The following FAM133A variants were observed in gnomAD, a reference collection of about 807,000 sequenced individuals.
The protein encoded by FAM133A is protein FAM133A.
For missense variants in FAM133A, 159 were observed against 164.4 expected, an observed-to-expected ratio of 0.97 and a Z score of 0.18; for synonymous variants, 65 against 58.6, an observed-to-expected ratio of 1.11 and a Z score of -0.50.
intron 2 of FAM133A, among the ~76,000 whole-genome samples, chrX:93,688,972 A>G (rs1339950923): frequency 9.0e-6 from 1 of 111,036 alleles, no homozygotes; most frequent in Admixed American, 9.7e-5. Context: ...GCATAAAGGG[A>G]TTATGTTGGA....
rs1927467492 is a variant in FAM133A, at chrX:93,711,939, G to A, written c.*1773G>A. On this transcript the variant is annotated 3_prime_UTR_variant, in exon 4 of 4. Coordinates refer to ENST00000683942, the MANE Select transcript of FAM133A (RefSeq NM_001171109.2). ...ATATTATTTGTAGAATATGGCAAAA[G>A]CATTTACAGCTCATCATGTATCTAT... The A allele has an allele frequency of 8.1e-6, 1 of 123,248 alleles. No individual in the cohort carries two copies. The highest frequency in any genetic ancestry group is 2.8e-4 in the East Asian group (1 of 3,578). The allele number at this position is 123,248 out of a possible 1,213,427, so 10.2% of individuals were successfully genotyped here.
At chrX:93,677,768 T>C (rs1956519044) in intron 2 of FAM133A, among the ~76,000 whole-genome samples, 1 of 112,477 alleles carries the variant, frequency 8.9e-6, no homozygotes, top group Non-Finnish European at 1.9e-5. Context: ...TTTTCCTGTT[T>C]ACTGCTGAGT....
At chrX:93,689,489 G>A (rs1007744019) in intron 2 of FAM133A, among the ~76,000 whole-genome samples, 1 of 111,964 alleles carries the variant, frequency 8.9e-6, no homozygotes, top group Non-Finnish European at 1.9e-5. Context: ...TCATGATATA[G>A]TATTTAGTCA....
chrX:93,681,510 T>G (rs1213186028), intron 2 of FAM133A, among the ~76,000 whole-genome samples: 1 of 111,856 alleles, frequency 8.9e-6, no homozygotes, highest in Non-Finnish European at 1.9e-5. Context: ...TAGTAAGTAG[T>G]ATAGACTAAT....
chrX:93,687,420 T>C (rs1048845841), intron 2 of FAM133A, among the ~76,000 whole-genome samples: 7 of 111,067 alleles, frequency 6.3e-5, no homozygotes, highest in Admixed American at 4.8e-4. Flanking sequence ...CACTAAAATC[T>C]CAGAAATCAC....
chrX:93,684,375 G>A (rs932992228), intron 2 of FAM133A, among the ~76,000 whole-genome samples: 1 of 111,412 alleles, frequency 9.0e-6, no homozygotes, highest in African/African-American at 3.2e-5. Flanking sequence ...CTCTTTTTAT[G>A]CCAGAAGTCA....
chrX:93,705,900 G>T (rs973747371), intron 3 of FAM133A, among the ~76,000 whole-genome samples: 1 of 111,030 alleles, frequency 9.0e-6, no homozygotes, highest in Non-Finnish European at 1.9e-5. Context: ...AAACACAAAA[G>T]AATTTTAACT....
Position 93,684,420 on chromosome X carries a change from T to A in FAM133A, c.-193+9668T>A, listed in dbSNP as rs771125772. Among the ~76,000 whole-genome samples the A allele has an allele frequency of 3.6e-5, 4 of 112,028 alleles. No individual in the cohort carries two copies. In the South Asian group the frequency reaches 1.5e-3, roughly 41 times the overall value. ...ATACAAAAATCAGTTATTGAAACAT[T>A]TAGATGGTTGGGAAAATGCCAGAAA... On this transcript the variant is annotated intron_variant, in intron 2 of 3. Transcript: ENST00000683942.
intron 3 of FAM133A, among the ~76,000 whole-genome samples, chrX:93,705,713 T>C (rs1442626208): frequency 9.0e-6 from 1 of 111,341 alleles, no homozygotes; most frequent in Non-Finnish European, 1.9e-5. Context: ...TTGCCTCTGC[T>C]CTTGGGGGAA....
intron 3 of FAM133A, among the ~76,000 whole-genome samples, chrX:93,702,869 A>AC (rs1926811178): frequency 1.2e-5 from 1 of 83,271 alleles, no homozygotes; most frequent in Non-Finnish European, 2.3e-5. Context: ...AAAAAAAAAA[A>AC]ACAACACTAG....
chrX:93,707,969 A>C (rs1927145934), intron 3 of FAM133A, among the ~76,000 whole-genome samples: 1 of 112,182 alleles, frequency 8.9e-6, no homozygotes, highest in Non-Finnish European at 1.9e-5. Flanking sequence ...AATCACAAAT[A>C]AAATAATTAC....
chrX:93,691,368 A>G (rs1925882556), intron 2 of FAM133A, among the ~76,000 whole-genome samples: 1 of 112,067 alleles, frequency 8.9e-6, no homozygotes. Flanking sequence ...TTCAAAAAAG[A>G]TGGATACACA....
chrX:93,697,167 T>TTATATATATATATATATATATATATA (rs767010042), intron 2 of FAM133A, among the ~76,000 whole-genome samples: 21 of 93,724 alleles, frequency 2.2e-4, no homozygotes, highest in African/African-American at 8.0e-4. Flanking sequence ...TATAGGCAAG[T>TTATATATATATATATATATATATATA]TATATATATA....
intron 3 of FAM133A, among the ~76,000 whole-genome samples, chrX:93,699,798 AT>A (rs753374750): frequency 3.5e-3 from 391 of 111,247 alleles, no homozygotes; most frequent in Non-Finnish European, 5.0e-3. Flanking sequence ...ATTCTCTGTA[AT>A]CTCAGTATTA....
chrX:93,686,137 A>G (rs1442427146), intron 2 of FAM133A, among the ~76,000 whole-genome samples: 1 of 107,619 alleles, frequency 9.3e-6, no homozygotes, highest in Non-Finnish European at 1.9e-5. Flanking sequence ...AAAAAAATTA[A>G]CCCTTTTAAA....
chrX:93,705,993 C>T (rs969578201), intron 3 of FAM133A, among the ~76,000 whole-genome samples: 5 of 111,722 alleles, frequency 4.5e-5, no homozygotes, highest in Non-Finnish European at 9.4e-5. Flanking sequence ...ACATTCTCAC[C>T]TTCAATTCAG....
At chrX:93,690,041 A>G (rs1208064985) in intron 2 of FAM133A, among the ~76,000 whole-genome samples, 1 of 103,054 alleles carries the variant, frequency 9.7e-6, no homozygotes, top group Non-Finnish European at 2.0e-5. Flanking sequence ...TGAAAACTGG[A>G]AAAAAAAAAA....
chrX:93,704,718 A>T (rs1304664285), intron 3 of FAM133A, among the ~76,000 whole-genome samples: 1 of 112,050 alleles, frequency 8.9e-6, no homozygotes, highest in Non-Finnish European at 1.9e-5. Context: ...ATTTATATTG[A>T]CATTTACCTA....
chrX:93,679,915 ATTTTTTTTTT>A (rs376335726), intron 2 of FAM133A, among the ~76,000 whole-genome samples: 14 of 62,426 alleles, frequency 2.2e-4, no homozygotes, highest in African/African-American at 8.3e-4. Flanking sequence ...CTCCTGGCAA[ATTTTTTTTTT>A]TTTTTTTTTT....
Sources: gnomAD v4.1 joint callset for allele counts (sites outside exome capture counted in the v4.1 genomes callset) on GRCh38, gnomAD v4.1.1 for gene constraint, MANE v1.5 for transcripts, NCBI Gene and HGNC (gene_info 2026-07-23, HGNC 2026-07-21) for gene names.